SETDB2: variants seen among roughly 807,000 people sequenced by gnomAD.
SETDB2 encodes the protein histone-lysine N-methyltransferase SETDB2.
In SETDB2, 56 loss-of-function variants were observed where a neutral mutation model predicts 82.5. The ratio of observed to expected loss-of-function variants is 0.68; its 90% CI spans 0.55 to 0.85. The LOEUF (loss-of-function observed/expected upper bound fraction) is 0.85, where lower values mean the gene tolerates loss of function less well. SETDB2 is among the 40% of genes least tolerant of loss of function. The pLI is 0.00. For synonymous variants in SETDB2, 272 were observed against 284.9 expected (o/e 0.95, Z 0.46); for missense variants, 677 against 816.4 (o/e 0.83, Z 2.08).
intron 11 of SETDB2, 134 bp downstream of exon 11, chr13:49,485,857 C>T (rs1416816224): frequency 1.1e-6 from 1 of 874,998 alleles, no homozygotes; most frequent in South Asian, 1.3e-5. Context: ...AACTTGTCTA[C>T]ATAAGAGATC....
intron 5 of SETDB2, among the ~76,000 whole-genome samples, chr13:49,470,625 A>C (rs1460780074): frequency 6.6e-6 from 1 of 152,116 alleles, no homozygotes; most frequent in African/African-American, 2.4e-5. Context: ...AGGCAGGAGG[A>C]TCACTTGAGC....
intron 8 of SETDB2, among the ~76,000 whole-genome samples, chr13:49,481,799 C>CG (rs1031006635): frequency 3.1e-4 from 46 of 150,702 alleles, no homozygotes; most frequent in African/African-American, 1.1e-3. Flanking sequence ...TTGGGAAACA[C>CG]GGCTTTAGAG....
chr13:49,447,261 T>A (rs947019401), intron 1 of SETDB2, among the ~76,000 whole-genome samples: 1 of 152,122 alleles, frequency 6.6e-6, no homozygotes, highest in Non-Finnish European at 1.5e-5. Context: ...TTTTTGTTGC[T>A]ATTGTTAAAA....
At chr13:49,482,628 C>A in intron 8 of SETDB2, 109 bp from the exon 9 acceptor site, 1 of 728,124 alleles carries the variant, frequency 1.4e-6, no homozygotes, top group Non-Finnish European at 2.2e-6. Flanking sequence ...TGTTTATCTT[C>A]ATTGTAGAAT....
At position 49,481,023 on chromosome 13, in the gene SETDB2, G is replaced by C; in HGVS notation, c.1063G>C (p.Val355Leu). The change falls in exon 8 of 14, where the codon GTG becomes CTG. Residue 355 changes from valine to leucine, a missense_variant. By Grantham distance (32) the Val-to-Leu change is conservative. This residue lies in a region of SETDB2 where 420 missense variants were observed against 554.6 expected (regional missense o/e 0.76). Transcript: ENST00000611815. ...QNRVVQHGPQ[V>L]RLQVFKTEQK... ...CCGAGTTGTCCAACATGGTCCTCAA[G>C]TGAGGTTACAGGTGTTCAAAACTGA... is the stretch of plus-strand genomic sequence containing the variant. 6.2e-7 allele frequency: 1 copy of C among 1,614,224 alleles called. No homozygotes were observed. Among genetic ancestry groups the C allele is most frequent in the East Asian group, 2.2e-5 (1 of 44,886 alleles).
intron 5 of SETDB2, among the ~76,000 whole-genome samples, chr13:49,472,277 GC>G (rs1958265531): frequency 6.6e-6 from 1 of 151,994 alleles, no homozygotes; most frequent in South Asian, 2.1e-4. Context: ...TTTAAAATAT[GC>G]CCCCTTAATG....
In SETDB2 at chr13:49,493,076, A is replaced by G. The variant is rs910481624; in HGVS notation, c.*1227A>G. On this transcript the variant is annotated 3_prime_UTR_variant, in exon 14 of 14. Coordinates refer to ENST00000611815, the MANE Select transcript of SETDB2 (RefSeq NM_001160308.3). Reference sequence around the variant, plus strand: ...TCTTTTTTTTTTACAGAAAAAAGGCAAAGAGTAAGCACTTTGCCATAGGTT... The same window carrying G: ...TCTTTTTTTTTTACAGAAAAAAGGCGAAGAGTAAGCACTTTGCCATAGGTT... The G allele has an allele frequency of 6.6e-6, 1 of 152,060 alleles. No individual in the cohort carries two copies. The highest frequency in any genetic ancestry group is 1.5e-5 in the Non-Finnish European group (1 of 68,016). The allele number at this position is 152,060 out of a possible 1,614,324, so 9.4% of individuals were successfully genotyped here. A position where few individuals can be genotyped will look rare whatever the true frequency, so the allele number is the denominator to read the frequency against.
chr13:49,476,459 ATAATT>A lies in SETDB2; in HGVS notation c.306-14_306-10del, dbSNP rs1389960851. The A allele has an allele frequency of 2.7e-6, 4 of 1,472,106 alleles. No homozygotes were observed. Among genetic ancestry groups the A allele is most frequent in the Non-Finnish European group, 3.7e-6 (4 of 1,083,958 alleles). 91.2% of individuals were successfully genotyped at this position (1,472,106 alleles called of 1,614,324 possible). The stretch of plus-strand genomic sequence containing the variant: ...AACTATAAATTTGAGATACTAATGA[ATAATT>A]TATTTTAACAGAACAACAGAAAATA... On this transcript the variant is annotated splice_polypyrimidine_tract_variant and intron_variant, in intron 5 of 13. Transcript: ENST00000611815.
intron 2 of SETDB2, among the ~76,000 whole-genome samples, chr13:49,456,710 A>G (rs1957888929): frequency 6.6e-6 from 1 of 152,196 alleles, no homozygotes; most frequent in Non-Finnish European, 1.5e-5. Flanking sequence ...TATTGTAGTA[A>G]CTATGTCTAC....
Position 49,492,049 on chromosome 13 carries a change from G to C in SETDB2, c.*200G>C. Reference sequence around the variant, plus strand: ...TATTTTCATACACATAGGGTATCTTGTTCACTGCTGTGCTACTTTACATGA... The same window carrying C: ...TATTTTCATACACATAGGGTATCTTCTTCACTGCTGTGCTACTTTACATGA... On this transcript the variant is annotated 3_prime_UTR_variant, in exon 14 of 14. Coordinates refer to ENST00000611815, the MANE Select transcript of SETDB2 (RefSeq NM_001160308.3). The C allele has an allele frequency of 3.5e-6, 2 of 576,222 alleles. No homozygotes were observed. The highest frequency in any genetic ancestry group is 1.7e-5 in the South Asian group (1 of 57,810). The allele number at this position is 576,222 out of a possible 1,614,324, so 35.7% of individuals were successfully genotyped here.
In SETDB2 at chr13:49,490,880, A is replaced by G. The variant is rs553949960; in HGVS notation, c.1976A>G (p.Asn659Ser). Residue 659 changes from asparagine (N) to serine (S), a missense_variant, in exon 13 of 14, where the codon AAT becomes AGT. Around this residue, in one of 3 missense-constraint regions of SETDB2, gnomAD observed 420 missense variants for 554.6 expected, o/e 0.76. Transcript: ENST00000611815. ...QNVFVETHNR[N>S]FPLVAFFTNR... ...GTTTTTGTAGAAACACACAACAGGAATTTTCCATTGGTGGCATTCTTCACC... is the reference window on the plus strand; with the variant it reads ...GTTTTTGTAGAAACACACAACAGGAGTTTTCCATTGGTGGCATTCTTCACC... 3.7e-6 allele frequency: 6 copies of G among 1,613,438 alleles called. No homozygotes were observed. The highest frequency in any genetic ancestry group is 4.5e-5 in the East Asian group (2 of 44,856).
intron 2 of SETDB2, among the ~76,000 whole-genome samples, chr13:49,454,121 T>C (rs182312887): frequency 3.5e-4 from 54 of 152,254 alleles, no homozygotes; most frequent in Non-Finnish European, 1.6e-4. Flanking sequence ...TATGTAGCAG[T>C]ATCAGAATTG....
chr13:49,471,238 A>G (rs977204126), intron 5 of SETDB2, among the ~76,000 whole-genome samples: 2 of 151,848 alleles, frequency 1.3e-5, no homozygotes, highest in African/African-American at 2.4e-5. Flanking sequence ...CAGCTTCCCA[A>G]AGTGCTGGGA....
At chr13:49,457,066 CTT>C (rs958017992) in intron 2 of SETDB2, among the ~76,000 whole-genome samples, 2 of 151,480 alleles carry the variant, frequency 1.3e-5, no homozygotes, top group Non-Finnish European at 2.9e-5. Flanking sequence ...CTTTGATTGG[CTT>C]TGTGTTTTTA....
intron 1 of SETDB2, chr13:49,446,336 T>G (rs947132770): frequency 4.4e-6 from 2 of 455,024 alleles, no homozygotes; most frequent in Non-Finnish European, 8.8e-6. Flanking sequence ...GCTTCCCGTA[T>G]TTTTCCTTCT....
rs536319863 is a variant in SETDB2 at position 49,483,727 on chromosome 13, C to T, written c.1482+164C>T. On this transcript the variant is annotated intron_variant, in intron 10 of 13. Transcript: ENST00000611815. Reference sequence around the variant, plus strand: ...CACTGCAGCCACAATCTCCTGGGCTCGAGTATCCTCCTCCCTCAGCCTCCC... The same window carrying T: ...CACTGCAGCCACAATCTCCTGGGCTTGAGTATCCTCCTCCCTCAGCCTCCC... Among the ~76,000 whole-genome samples, 333 of 146,360 alleles carry T rather than the reference C, an allele frequency of 2.3e-3. 3 individuals are homozygous for T. Among genetic ancestry groups the T allele is most frequent in the South Asian group, 0.019 (87 of 4,598 alleles).
intron 6 of SETDB2, among the ~76,000 whole-genome samples, chr13:49,477,980 C>T (rs1343331544): frequency 6.6e-6 from 1 of 152,070 alleles, no homozygotes; most frequent in Non-Finnish European, 1.5e-5. Context: ...CACATACATT[C>T]GTAGGTATAC....
intron 5 of SETDB2, among the ~76,000 whole-genome samples, chr13:49,471,934 A>ATATATATATATATTTTTTT (rs1378783393): frequency 1.7e-5 from 2 of 119,278 alleles, no homozygotes; most frequent in African/African-American, 7.2e-5. Context: ...ATATATATAT[A>ATATATATATATATTTTTTT]TTTTTTTTTT....
chr13:49,477,410 T>G (rs1958389769), intron 6 of SETDB2, among the ~76,000 whole-genome samples: 1 of 152,002 alleles, frequency 6.6e-6, no homozygotes, highest in African/African-American at 2.4e-5. Context: ...ACCAGAGGCC[T>G]GGACAACAAA....
Sources: allele counts gnomAD v4.1 joint callset (sites outside exome capture counted in the v4.1 genomes callset), GRCh38; gene constraint gnomAD v4.1.1; regional missense constraint gnomAD v4.1.1; transcripts MANE v1.5; gene names NCBI Gene and HGNC (gene_info 2026-07-23, HGNC 2026-07-21).